The following DNAJB13 variants were observed in gnomAD, a reference collection of about 807,000 sequenced individuals.
DNAJB13 encodes DnaJ heat shock protein family (Hsp40) member B13.
In DNAJB13, 22 loss-of-function variants were observed where a neutral mutation model predicts 35.6. The ratio of observed to expected loss-of-function variants is 0.62; its 90% confidence interval spans 0.44 to 0.88. DNAJB13 has a LOEUF of 0.88. DNAJB13 is among the 40% of genes least tolerant of loss of function. The pLI is 0.00. For synonymous variants in DNAJB13, 136 were observed against 144.2 expected (o/e 0.94, Z 0.41); for missense variants, 370 against 384.3 (o/e 0.96, Z 0.31).
intron 3 of DNAJB13, among the ~76,000 whole-genome samples, chr11:73,962,154 T>C (rs893344455): frequency 6.6e-6 from 1 of 152,214 alleles, no homozygotes; most frequent in African/African-American, 2.4e-5. Flanking sequence ...CTTTTGCTAA[T>C]ATTGTATTTG....
At chr11:73,963,862 T>C (rs530183147) in intron 3 of DNAJB13, 25 of 152,256 alleles carry the variant, frequency 1.6e-4, no homozygotes, top group African/African-American at 5.8e-4. Flanking sequence ...TTACAGCTTA[T>C]GAGGGGCTTC....
In DNAJB13 at chr11:73,963,354, AAAAG is replaced by A. The variant is rs769024472; in HGVS notation, c.335-1520_335-1517del. Among the ~76,000 whole-genome samples, 31 of 151,826 alleles carry A rather than the reference AAAAG, an allele frequency of 2.0e-4. No individual in the cohort carries two copies. In the South Asian group the frequency reaches 6.1e-3, roughly 30 times the overall value. On this transcript the variant is annotated intron_variant, in intron 3 of 7. Transcript: ENST00000339764. ...GATTGAGACTCTGTCTCAAAAAAAA[AAAAG>A]AAAAAAGAAAAAAAATGAAAGGGGC...
At chr11:73,966,283 C>A (rs748776666) in intron 5 of DNAJB13, 32 bp downstream of exon 5, 7 of 1,587,270 alleles carry the variant, frequency 4.4e-6, no homozygotes, top group Non-Finnish European at 6.0e-6. Flanking sequence ...TCAGGTCAGT[C>A]ACTGAGCTCA....
At chr11:73,956,489 G>T (rs912894672) in intron 1 of DNAJB13, among the ~76,000 whole-genome samples, 1 of 152,176 alleles carries the variant, frequency 6.6e-6, no homozygotes, top group Non-Finnish European at 1.5e-5. Context: ...GGTTATGCCA[G>T]GAGAGGGACC....
At position 73,962,139 on chromosome 11, in the gene DNAJB13, C is replaced by T. The variant is rs1950948515; in HGVS notation, c.334+2484C>T. Reference sequence around the variant, plus strand: ...TGTCTTATTGATGGGTAGTTTCTTCCCAGTCTTTTGCTAATATTGTATTTG... The same window carrying T: ...TGTCTTATTGATGGGTAGTTTCTTCTCAGTCTTTTGCTAATATTGTATTTG... On this transcript the variant is annotated intron_variant, in intron 3 of 7. Coordinates refer to ENST00000339764, the MANE Select transcript of DNAJB13 (RefSeq NM_153614.4). Among the ~76,000 whole-genome samples the T allele has an allele frequency of 2.0e-5, 3 of 152,018 alleles. No homozygotes were observed. In the South Asian group the frequency reaches 6.2e-4, roughly 31 times the overall value.
At chr11:73,965,984 C>T in intron 4 of DNAJB13, 154 bp from the exon 5 acceptor site, 1 of 691,586 alleles carries the variant, frequency 1.4e-6, no homozygotes, top group Non-Finnish European at 2.5e-6. Flanking sequence ...GGAGGCTCTT[C>T]CCATTGCTAG....
chr11:73,960,329 C>T (rs1049391120), intron 3 of DNAJB13, among the ~76,000 whole-genome samples: 3 of 152,190 alleles, frequency 2.0e-5, no homozygotes, highest in Non-Finnish European at 4.4e-5. Context: ...CAGGCACCCA[C>T]CACCACACCC....
chr11:73,954,489 G>A (rs1950679303), intron 1 of DNAJB13, among the ~76,000 whole-genome samples: 1 of 151,422 alleles, frequency 6.6e-6, no homozygotes, highest in African/African-American at 2.4e-5. Context: ...AAATAGCCGG[G>A]CGTGGTAGCA....
In DNAJB13 at chr11:73,957,433, T is replaced by G. The variant is rs901323814; in HGVS notation, c.69-884T>G. Among the ~76,000 whole-genome samples the G allele has an allele frequency of 3.9e-5, 6 of 152,024 alleles. 1 individual carries two copies. Among genetic ancestry groups the G allele is most frequent in the African/African-American group, 1.2e-4 (5 of 41,366 alleles). ...TGGGCGAATGGTCCCTTTATTAAGC[T>G]CTCCACAAACCACCCAATCCGCTCC... On this transcript the variant is annotated intron_variant, in intron 1 of 7. Coordinates refer to ENST00000339764, the MANE Select transcript of DNAJB13 (RefSeq NM_153614.4).
At chr11:73,953,527 G>A (rs771920215) in intron 1 of DNAJB13, among the ~76,000 whole-genome samples, 1 of 152,196 alleles carries the variant, frequency 6.6e-6, no homozygotes, top group African/African-American at 2.4e-5. Context: ...CAAGGGGTAC[G>A]TGACGGGTTT....
chr11:73,959,723 G>T, intron 3 of DNAJB13, 68 bp downstream of exon 3: 2 of 1,391,094 alleles, frequency 1.4e-6, no homozygotes, highest in South Asian at 1.8e-5. Context: ...TGTTTTCGTT[G>T]AGTAGTTTTG....
intron 3 of DNAJB13, 72 bp downstream of exon 3, chr11:73,959,727 A>T: frequency 7.3e-7 from 1 of 1,376,730 alleles, no homozygotes; most frequent in Non-Finnish European, 9.6e-7. Flanking sequence ...TTCGTTGAGT[A>T]GTTTTGTTTT....
intron 3 of DNAJB13, 116 bp downstream of exon 3, chr11:73,959,771 A>AT (rs908065622): frequency 1.3e-4 from 142 of 1,089,030 alleles, no homozygotes; most frequent in African/African-American, 6.2e-4. Flanking sequence ...TTATTTACTT[A>AT]TTTTTTTTGG....
At chr11:73,958,702 G>A (rs2135300615) in intron 2 of DNAJB13, among the ~76,000 whole-genome samples, 1 of 152,336 alleles carries the variant, frequency 6.6e-6, no homozygotes, top group South Asian at 2.1e-4. Flanking sequence ...TGCCCTGCGG[G>A]GACGGGACCT....
At chr11:73,964,520 C>T (rs971468422) in intron 3 of DNAJB13, 1 of 256,848 alleles carries the variant, frequency 3.9e-6, no homozygotes, top group Non-Finnish European at 7.1e-6. Flanking sequence ...GAGTGCCTCC[C>T]TTTCCTGAGA....
chr11:73,955,692 T>TG (rs1044668853), intron 1 of DNAJB13, among the ~76,000 whole-genome samples: 6 of 152,068 alleles, frequency 3.9e-5, no homozygotes, highest in Non-Finnish European at 7.4e-5. Flanking sequence ...CCAGGTGTGG[T>TG]GGTGGGCACC....
chr11:73,964,915 C>A lies in DNAJB13; in HGVS notation c.372C>A (p.Asn124Lys). The change falls in exon 4 of 8, where the codon AAC (asparagine) becomes AAA (lysine). Residue 124 changes from asparagine (N) to lysine (K), a missense_variant. Physicochemically the swap from Asn to Lys is moderately conservative, Grantham distance 94. Coordinates refer to ENST00000339764, the MANE Select transcript of DNAJB13 (RefSeq NM_153614.4). ...CAGAAGGAAGTGAGGTAGATTTGAA[C>A]TTTGGGGGGCTCCAGGGCCGAGGGG... ...FDAEGSEVDL[N>K]FGGLQGRGVK... 2 of 1,613,638 alleles carry A rather than the reference C, an allele frequency of 1.2e-6. No individual in the cohort carries two copies. The highest frequency in any genetic ancestry group is 1.7e-6 in the Non-Finnish European group (2 of 1,179,952).
chr11:73,964,926 TC>T lies in DNAJB13; in HGVS notation c.385del (p.Gln129ArgfsTer38), dbSNP rs1565175948. On this transcript the variant is annotated frameshift_variant, in exon 4 of 8. Coordinates refer to ENST00000339764, the MANE Select transcript of DNAJB13 (RefSeq NM_153614.4). LOFTEE classifies it high-confidence loss of function. ...GSEVDLNFGG[L>X]QGRGVKKQDP... ...GAGGTAGATTTGAACTTTGGGGGGCTCCAGGGCCGAGGGGTCAAGAAGCAGG... is the reference window on the plus strand; with the variant it reads ...GAGGTAGATTTGAACTTTGGGGGGCTCAGGGCCGAGGGGTCAAGAAGCAGG... 6.2e-7 allele frequency: 1 copy of T among 1,613,588 alleles called. No homozygotes were observed. The highest frequency in any genetic ancestry group is 2.2e-5 in the East Asian group (1 of 44,858).
In DNAJB13 at chr11:73,969,272, G is replaced by A; in HGVS notation, c.747G>A (p.Val249=). 2.3e-6 allele frequency: 2 copies of A among 872,686 alleles called. No homozygotes were observed. The highest frequency in any genetic ancestry group is 4.0e-6 in the Non-Finnish European group (2 of 501,566). The allele number at this position is 872,686 out of a possible 1,614,324, so 54.1% of individuals were successfully genotyped here. A position where few individuals can be genotyped will look rare whatever the true frequency, so the allele number is the denominator to read the frequency against. The change falls in exon 7 of 8, where the codon GTG becomes GTA. Residue 249 remains valine, a synonymous_variant. Transcript: ENST00000339764. ...GKALTCCTVE[V]RTLDDRLLNI... Reference sequence around the variant, plus strand: ...CTCTCACCTGCTGCACTGTGGAGGTGAGGACCCTAGATGACCGTCTGCTCA... The same window carrying A: ...CTCTCACCTGCTGCACTGTGGAGGTAAGGACCCTAGATGACCGTCTGCTCA...
Sources: gnomAD v4.1 joint callset for allele counts (sites outside exome capture counted in the v4.1 genomes callset) on GRCh38, gnomAD v4.1.1 for gene constraint, MANE v1.5 for transcripts, NCBI Gene and HGNC (gene_info 2026-07-23, HGNC 2026-07-21) for gene names.